RNF145: variants seen among roughly 807,000 people sequenced by gnomAD.
RNF145 encodes ring finger protein 145.
Under a neutral mutation model 57.3 loss-of-function variants are expected in RNF145, and 12 were observed. The observed-to-expected ratio is 0.21, with a 90% CI of 0.13 to 0.34. The LOEUF is 0.34. RNF145 is among the 10% of genes least tolerant of loss of function. The pLI, the probability that RNF145 is intolerant of heterozygous loss-of-function variation, is 1.00. For missense variants in RNF145, 429 were observed against 799.0 expected (o/e 0.54, Z 5.58); for synonymous variants, 262 against 288.3 (o/e 0.91, Z 0.92).
intron 8 of RNF145, among the ~76,000 whole-genome samples, chr5:159,164,586 C>G (rs1425548407): frequency 1.3e-5 from 2 of 151,934 alleles, no homozygotes; most frequent in East Asian, 3.8e-4. Context: ...CATAGACACA[C>G]ATATATGTCC....
intron 2 of RNF145, among the ~76,000 whole-genome samples, chr5:159,195,587 CA>C (rs1785432362): frequency 6.6e-6 from 1 of 152,176 alleles, no homozygotes; most frequent in African/African-American, 2.4e-5. Context: ...CAACGACCAT[CA>C]AAACGTTGTT....
At chr5:159,173,011 A>T (rs1445899750) in intron 6 of RNF145, among the ~76,000 whole-genome samples, 2 of 152,244 alleles carry the variant, frequency 1.3e-5, no homozygotes, top group Admixed American at 6.5e-5. Flanking sequence ...AGAGTGGAAA[A>T]AATAACAAAT....
At position 159,165,711 on chromosome 5, in the gene RNF145, AAAAAAAAAAAAAAAAAAAAAAAT is replaced by A. The variant is rs1351527042; in HGVS notation, c.1122-2655_1122-2633del. Among the ~76,000 whole-genome samples, 14 of 9,552 alleles carry A rather than the reference AAAAAAAAAAAAAAAAAAAAAAAT, an allele frequency of 1.5e-3. 4 individuals are homozygous for A. Among genetic ancestry groups the A allele is most frequent in the Admixed American group, 2.3e-3 (2 of 876 alleles). 6.3% of individuals were successfully genotyped at this position (9,552 alleles called of 152,430 possible). A position where few individuals can be genotyped will look rare whatever the true frequency, so the allele number is the denominator to read the frequency against. On this transcript the variant is annotated intron_variant, in intron 8 of 10. Coordinates refer to ENST00000424310, the MANE Select transcript of RNF145 (RefSeq NM_001199383.2). ...AAAAAAAAAAAAAAAAAAAAAAAAA[AAAAAAAAAAAAAAAAAAAAAAAT>A]AATAATATCCTACATTATCATCTTT...
In RNF145 at chr5:159,161,380, C is replaced by G; in HGVS notation, c.1512G>C (p.Leu504=). 6.2e-7 allele frequency: 1 copy of G among 1,614,172 alleles called. No homozygotes were observed. Among genetic ancestry groups the G allele is most frequent in the Non-Finnish European group, 8.5e-7 (1 of 1,180,022 alleles). ...TGCGGAGAAGAAAGCTCTTCCACCCCAGCTGGGCCCGAAGCCACACGTTAT... is the reference window on the plus strand; with the variant it reads ...TGCGGAGAAGAAAGCTCTTCCACCCGAGCTGGGCCCGAAGCCACACGTTAT... The part of the protein sequence containing the change: ...SYYNVWLRAQ[L]GWKSFLLRRD... The change falls in exon 10 of 11, where the codon CTG becomes CTC. Residue 504 remains leucine (L), a synonymous_variant. Transcript: ENST00000424310.
chr5:159,180,973 TTGGGTACAGC>T (rs1784874935), intron 4 of RNF145, among the ~76,000 whole-genome samples: 1 of 151,882 alleles, frequency 6.6e-6, no homozygotes, highest in African/African-American at 2.4e-5. Flanking sequence ...AGACTGCACA[TTGGGTACAGC>T]ATACACTCCT....
At chr5:159,206,910 A>G (rs1785907361) in intron 1 of RNF145, among the ~76,000 whole-genome samples, 1 of 152,086 alleles carries the variant, frequency 6.6e-6, no homozygotes, top group African/African-American at 2.4e-5. Flanking sequence ...GGTAACATAA[A>G]CTAAATGTGA....
chr5:159,178,399 T>C (rs1386967059), intron 4 of RNF145, among the ~76,000 whole-genome samples: 1 of 152,000 alleles, frequency 6.6e-6, no homozygotes, highest in East Asian at 1.9e-4. Flanking sequence ...TGTTACTTTT[T>C]GTTTTCAGTG....
intron 3 of RNF145, among the ~76,000 whole-genome samples, chr5:159,190,950 T>C (rs1237059620): frequency 2.0e-5 from 3 of 152,082 alleles, no homozygotes; most frequent in Non-Finnish European, 2.9e-5. Flanking sequence ...TCATTCATTT[T>C]ATATCAAAAC....
At chr5:159,174,765 C>G (rs1489007359) in intron 5 of RNF145, among the ~76,000 whole-genome samples, 2 of 150,780 alleles carry the variant, frequency 1.3e-5, no homozygotes, top group Admixed American at 1.3e-4. Flanking sequence ...GTAAGTAACA[C>G]TAGGAAAAGG....
chr5:159,193,384 C>A (rs1253135875), intron 3 of RNF145, among the ~76,000 whole-genome samples: 1 of 152,068 alleles, frequency 6.6e-6, no homozygotes, highest in Non-Finnish European at 1.5e-5. Flanking sequence ...AGAAAATCAA[C>A]CAGGAAGGAA....
chr5:159,169,640 G>A, intron 7 of RNF145, 39 bp downstream of exon 7: 1 of 1,455,194 alleles, frequency 6.9e-7, no homozygotes, highest in Non-Finnish European at 9.2e-7. Flanking sequence ...GTTATCTATA[G>A]TATTTACATT....
chr5:159,201,305 T>G (rs186823237), intron 2 of RNF145, among the ~76,000 whole-genome samples: 334 of 152,310 alleles, frequency 2.2e-3, no homozygotes, highest in African/African-American at 6.9e-3. Context: ...GACGGACCAC[T>G]GTACTCTTTA....
upstream of RNF145, chr5:159,209,783 C>T: frequency 7.0e-7 from 1 of 1,422,214 alleles, no homozygotes; most frequent in South Asian, 1.2e-5. Context: ...CTGTGACAGG[C>T]GCCATTCTGA....
At position 159,161,288 on chromosome 5, in the gene RNF145, T is replaced by G; in HGVS notation, c.1604A>C (p.Asp535Ala). Residue 535 changes from aspartate (D) to alanine (A), a missense_variant, in exon 10 of 11, where the codon GAT (aspartate) becomes GCT (alanine). By Grantham distance (126) the Asp-to-Ala change is moderately radical. Transcript: ENST00000424310. ...ATKEQLEKHNDICAICYQDMK... is the reference protein window; with the variant it reads ...ATKEQLEKHNAICAICYQDMK... Reference sequence around the variant, plus strand: ...TACCTGATAACAGATGGCACAAATATCATTGTGTTTCTCAAGCTGCTCTTT... The same window carrying G: ...TACCTGATAACAGATGGCACAAATAGCATTGTGTTTCTCAAGCTGCTCTTT... 1.2e-6 allele frequency: 2 copies of G among 1,610,290 alleles called. No individual in the cohort carries two copies. Among genetic ancestry groups the G allele is most frequent in the Non-Finnish European group, 8.5e-7 (1 of 1,176,934 alleles).
intron 3 of RNF145, among the ~76,000 whole-genome samples, chr5:159,185,528 G>A (rs1027263974): frequency 3.3e-5 from 5 of 152,124 alleles, no homozygotes; most frequent in Non-Finnish European, 5.9e-5. Context: ...AGAAAAACAA[G>A]ACAGTAAGCC....
chr5:159,185,667 G>C (rs1785032279), intron 3 of RNF145, among the ~76,000 whole-genome samples: 1 of 152,152 alleles, frequency 6.6e-6, no homozygotes, highest in African/African-American at 2.4e-5. Context: ...TTAAGACTCA[G>C]GTGAGCTATT....
chr5:159,196,670 A>G (rs889634456), intron 2 of RNF145, among the ~76,000 whole-genome samples: 1 of 152,228 alleles, frequency 6.6e-6, no homozygotes, highest in Non-Finnish European at 1.5e-5. Flanking sequence ...AAAGCCAGAG[A>G]TAAGTATTTT....
intron 4 of RNF145, among the ~76,000 whole-genome samples, chr5:159,177,184 A>T (rs1784745527): frequency 6.6e-6 from 1 of 152,124 alleles, no homozygotes; most frequent in African/African-American, 2.4e-5. Flanking sequence ...GTGACAATTC[A>T]GTTGCTAATG....
In RNF145 at chr5:159,209,535, C is replaced by G. The variant is rs1412274533; in HGVS notation, c.-344G>C. ...GCCATGGCCTCCTGCGTTTGCTCCTCCCGCCCCCGGCGCTCTGCGGCGGCC... is the reference window on the plus strand; with the variant it reads ...GCCATGGCCTCCTGCGTTTGCTCCTGCCGCCCCCGGCGCTCTGCGGCGGCC... On this transcript the variant is annotated 5_prime_UTR_variant, in exon 1 of 11. Transcript: ENST00000424310. The G allele has an allele frequency of 2.0e-6, 2 of 980,624 alleles. No homozygotes were observed. The highest frequency in any genetic ancestry group is 2.4e-6 in the Non-Finnish European group (2 of 827,026). 60.7% of individuals were successfully genotyped at this position (980,624 alleles called of 1,614,324 possible).
Sources: allele counts gnomAD v4.1 joint callset (sites outside exome capture counted in the v4.1 genomes callset), GRCh38; gene constraint gnomAD v4.1.1; transcripts MANE v1.5; gene names NCBI Gene and HGNC (gene_info 2026-07-23, HGNC 2026-07-21).